CFAP299: variants seen among roughly 807,000 people sequenced by gnomAD.
CFAP299 encodes cilia- and flagella-associated protein 299.
In CFAP299, 21 loss-of-function variants were observed where a neutral mutation model predicts 27.0. The observed-to-expected ratio is 0.78, with a 90% CI of 0.55 to 1.12. The LOEUF is 1.12. Ranked by LOEUF, CFAP299 falls within the 50% of genes most tolerant of loss-of-function variation. The probability of loss-of-function intolerance (pLI) is 0.00; values close to 1 mark genes in which losing one functional copy is unlikely to be tolerated. For missense variants in CFAP299, 310 were observed against 276.6 expected, an observed-to-expected ratio of 1.12 and a Z score of -0.86; for synonymous variants, 104 against 98.1, an observed-to-expected ratio of 1.06 and a Z score of -0.36.
At chr4:80,849,300 A>G (rs1731364649) in intron 3 of CFAP299, among the ~76,000 whole-genome samples, 1 of 152,198 alleles carries the variant, frequency 6.6e-6, no homozygotes, top group African/African-American at 2.4e-5. Flanking sequence ...CCATTATAGT[A>G]GTATGGGACC....
chr4:80,854,559 A>G (rs1445804127), intron 3 of CFAP299, among the ~76,000 whole-genome samples: 1 of 151,974 alleles, frequency 6.6e-6, no homozygotes, highest in African/African-American at 2.4e-5. Flanking sequence ...TTATAACAGG[A>G]TGAAAGGAAG....
chr4:80,684,554 C>T (rs1720062785), intron 3 of CFAP299, among the ~76,000 whole-genome samples: 1 of 152,190 alleles, frequency 6.6e-6, no homozygotes, highest in Non-Finnish European at 1.5e-5. Flanking sequence ...AGGCGTGAGC[C>T]ACTGCGCCCG....
chr4:80,934,822 T>C (rs28878812), intron 4 of CFAP299, among the ~76,000 whole-genome samples: 4,023 of 152,120 alleles, frequency 0.026, 79 homozygotes, highest in South Asian at 0.08. Flanking sequence ...ATTTATCTTT[T>C]CTAACAGCCA....
intron 2 of CFAP299, among the ~76,000 whole-genome samples, chr4:80,376,804 G>T (rs970890004): frequency 6.6e-6 from 1 of 152,036 alleles, no homozygotes; most frequent in Non-Finnish European, 1.5e-5. Flanking sequence ...ACAGGTGCCC[G>T]CCACCACGCC....
chr4:80,558,279 C>T (rs2110217764), intron 2 of CFAP299, among the ~76,000 whole-genome samples: 1 of 151,572 alleles, frequency 6.6e-6, no homozygotes, highest in Non-Finnish European at 1.5e-5. Context: ...TTCTCACCTA[C>T]TTTTTCAAAT....
intron 3 of CFAP299, among the ~76,000 whole-genome samples, chr4:80,829,174 A>G (rs72881524): frequency 0.013 from 1,909 of 152,136 alleles, 38 homozygotes; most frequent in African/African-American, 0.043. Flanking sequence ...TGCAAATCAT[A>G]TATCTGATAA....
At position 80,942,797 on chromosome 4, in the gene CFAP299, G is replaced by T. The variant is rs568721873; in HGVS notation, c.477-2013G>T. 4.1e-4 allele frequency among the ~76,000 whole-genome samples: 63 copies of T among 152,216 alleles called. 2 individuals are homozygous for T. The South Asian group carries it at 0.013, about 32-fold the overall frequency. On this transcript the variant is annotated intron_variant, in intron 4 of 5. Transcript: ENST00000358105. ...ATATATCTCATAAATAATTATTGAA[G>T]GAGAATATATGTACAGTTGAAAATC...
chr4:80,570,559 C>A (rs1287405618), intron 2 of CFAP299, among the ~76,000 whole-genome samples: 2 of 152,066 alleles, frequency 1.3e-5, no homozygotes, highest in East Asian at 3.9e-4. Flanking sequence ...TGCTTAACCT[C>A]ACACTGGATT....
chr4:80,784,664 T>C (rs1172647003), intron 3 of CFAP299, among the ~76,000 whole-genome samples: 1 of 152,018 alleles, frequency 6.6e-6, no homozygotes, highest in African/African-American at 2.4e-5. Flanking sequence ...ATTACAGGCA[T>C]GTGCCACCAC....
intron 3 of CFAP299, among the ~76,000 whole-genome samples, chr4:80,824,808 T>G (rs1006852146): frequency 3.4e-4 from 51 of 152,146 alleles, no homozygotes; most frequent in African/African-American, 1.1e-3. Flanking sequence ...AGAGAAAGTT[T>G]TATCTCTAGT....
chr4:80,716,029 T>C (rs1045234074), intron 3 of CFAP299, among the ~76,000 whole-genome samples: 8 of 152,012 alleles, frequency 5.3e-5, no homozygotes, highest in African/African-American at 1.9e-4. Context: ...AAAAAATCCT[T>C]CAAACTAACT....
intron 2 of CFAP299, among the ~76,000 whole-genome samples, chr4:80,442,211 A>G (rs1335207407): frequency 6.6e-6 from 1 of 152,244 alleles, no homozygotes; most frequent in Non-Finnish European, 1.5e-5. Flanking sequence ...AAGCAGACCT[A>G]ATAGATGTCT....
At position 80,963,576 on chromosome 4, in the gene CFAP299, T is replaced by G. The variant is rs1334278351; in HGVS notation, c.666T>G (p.Ala222=). The G allele has an allele frequency of 3.1e-6, 5 of 1,607,364 alleles. No individual in the cohort carries two copies. Among genetic ancestry groups the G allele is most frequent in the Non-Finnish European group, 3.4e-6 (4 of 1,176,416 alleles). Residue 222 remains alanine, a synonymous_variant, in exon 6 of 6, where the codon GCT becomes GCG. Coordinates refer to ENST00000358105, the MANE Select transcript of CFAP299 (RefSeq NM_152770.3). ...TCCTGACAGAACTCTACGTACAAGC[T>G]GTCATTTTTGACCACATTTCCAGAA... is the stretch of plus-strand genomic sequence containing the variant. The part of the protein sequence containing the change: ...ITILTELYVQ[A]VIFDHISRRK...
intron 3 of CFAP299, among the ~76,000 whole-genome samples, chr4:80,735,326 T>C (rs1723789299): frequency 6.6e-6 from 1 of 152,144 alleles, no homozygotes; most frequent in Non-Finnish European, 1.5e-5. Flanking sequence ...TTACTTCTAA[T>C]AGTTTTTTTG....
intron 1 of CFAP299, among the ~76,000 whole-genome samples, chr4:80,342,746 C>T (rs1392818519): frequency 2.0e-5 from 3 of 152,090 alleles, no homozygotes; most frequent in African/African-American, 2.4e-5. Context: ...CAACTAATGA[C>T]ACTATGAAGC....
chr4:80,377,656 G>A (rs1188584296), intron 2 of CFAP299, among the ~76,000 whole-genome samples: 1 of 151,952 alleles, frequency 6.6e-6, no homozygotes, highest in Non-Finnish European at 1.5e-5. Context: ...TAAGCCTGCT[G>A]GGATTTTGCT....
chr4:80,752,042 G>A (rs1409633722), intron 3 of CFAP299, among the ~76,000 whole-genome samples: 1 of 152,158 alleles, frequency 6.6e-6, no homozygotes, highest in Non-Finnish European at 1.5e-5. Context: ...ATGCCCTGGT[G>A]GCATGGGCTC....
At chr4:80,594,564 T>A in intron 3 of CFAP299, among the ~76,000 whole-genome samples, 1 of 152,196 alleles carries the variant, frequency 6.6e-6, no homozygotes. Flanking sequence ...GCATGAATAA[T>A]CTTGCTTTAT....
intron 3 of CFAP299, among the ~76,000 whole-genome samples, chr4:80,831,338 G>C (rs1172991231): frequency 6.6e-6 from 1 of 152,110 alleles, no homozygotes; most frequent in Non-Finnish European, 1.5e-5. Flanking sequence ...TCTATTATCA[G>C]TGTTTTTCAG....
Sources: allele counts gnomAD v4.1 joint callset (sites outside exome capture counted in the v4.1 genomes callset), GRCh38; gene constraint gnomAD v4.1.1; transcripts MANE v1.5; gene names NCBI Gene and HGNC (gene_info 2026-07-23, HGNC 2026-07-21).